TBL1XR1: variants seen among roughly 807,000 people sequenced by gnomAD.
TBL1XR1 encodes TBL1X/Y related 1, also known as F-box-like/WD repeat-containing protein TBL1XR1.
Under a neutral mutation model 66.9 loss-of-function variants are expected in TBL1XR1, and 5 were observed. The observed-to-expected ratio is 0.07, with a 90% CI of 0.04 to 0.16. The LOEUF is 0.16. TBL1XR1 is among the 10% of genes least tolerant of loss of function. The pLI is 1.00. For missense variants in TBL1XR1, 238 were observed against 623.2 expected (o/e 0.38, Z 6.58); for synonymous variants, 210 against 206.0 (o/e 1.02, Z -0.17).
chr3:177,065,255 A>T (rs1266973525), intron 2 of TBL1XR1, among the ~76,000 whole-genome samples: 1 of 152,198 alleles, frequency 6.6e-6, no homozygotes, highest in East Asian at 1.9e-4. Flanking sequence ...ATAAAACAAA[A>T]TTTTTTAGAG....
At chr3:177,195,426 C>G (rs1285974140) in intron 1 of TBL1XR1, among the ~76,000 whole-genome samples, 1 of 60,966 alleles carries the variant, frequency 1.6e-5, no homozygotes, top group African/African-American at 3.8e-5. Flanking sequence ...GCCCTACTTC[C>G]CCAGACTATA....
chr3:177,094,133 A>G (rs910536115), intron 2 of TBL1XR1, among the ~76,000 whole-genome samples: 2 of 152,208 alleles, frequency 1.3e-5, no homozygotes, highest in Non-Finnish European at 2.9e-5. Context: ...AGCAGCAAGA[A>G]AAAAACAAAT....
chr3:177,103,616 G>T (rs1724503577), intron 1 of TBL1XR1, among the ~76,000 whole-genome samples: 1 of 152,080 alleles, frequency 6.6e-6, no homozygotes, highest in Non-Finnish European at 1.5e-5. Flanking sequence ...GCAGTCTCTA[G>T]AAGTAAATTT....
At chr3:177,146,699 A>C (rs1473239829) in intron 1 of TBL1XR1, among the ~76,000 whole-genome samples, 1 of 151,858 alleles carries the variant, frequency 6.6e-6, no homozygotes, top group Non-Finnish European at 1.5e-5. Flanking sequence ...ATTTTCCAAA[A>C]CCCAAACTAT....
chr3:177,143,508 GA>G (rs1197674898), intron 1 of TBL1XR1, among the ~76,000 whole-genome samples: 1 of 152,138 alleles, frequency 6.6e-6, no homozygotes, highest in Non-Finnish European at 1.5e-5. Context: ...GGGGCAGGGG[GA>G]TATTTATTCC....
chr3:177,064,234 A>T (rs1718869454), intron 3 of TBL1XR1, among the ~76,000 whole-genome samples: 1 of 152,196 alleles, frequency 6.6e-6, no homozygotes, highest in African/African-American at 2.4e-5. Context: ...ATTTTTTAGT[A>T]GCAATCGGCA....
chr3:177,055,611 C>G (rs1287728539), intron 3 of TBL1XR1, among the ~76,000 whole-genome samples: 1 of 151,750 alleles, frequency 6.6e-6, no homozygotes, highest in Non-Finnish European at 1.5e-5. Context: ...TATCAGGAAG[C>G]CCACAACTAT....
chr3:177,094,673 T>C (rs936863498), intron 2 of TBL1XR1, among the ~76,000 whole-genome samples: 1 of 152,196 alleles, frequency 6.6e-6, no homozygotes, highest in Non-Finnish European at 1.5e-5. Flanking sequence ...CATAGCACCC[T>C]GGATGGAATG....
chr3:177,165,197 A>G (rs1475150924), intron 1 of TBL1XR1, among the ~76,000 whole-genome samples: 1 of 152,232 alleles, frequency 6.6e-6, no homozygotes, highest in Non-Finnish European at 1.5e-5. Context: ...AAGCAATTAC[A>G]GTAAGCTTGC....
chr3:177,156,545 A>T (rs1256522658), intron 1 of TBL1XR1, among the ~76,000 whole-genome samples: 1 of 145,882 alleles, frequency 6.9e-6, no homozygotes, highest in South Asian at 2.2e-4. Flanking sequence ...ACACACACAC[A>T]CACTTATATA....
intron 14 of TBL1XR1, among the ~76,000 whole-genome samples, chr3:177,030,373 T>C (rs755484475): frequency 1.3e-5 from 2 of 151,988 alleles, no homozygotes; most frequent in African/African-American, 2.4e-5. Context: ...GGTACAAGTA[T>C]TAATGTGATA....
Position 177,151,084 on chromosome 3 carries a change from A to G in TBL1XR1, c.-122+46037T>C, listed in dbSNP as rs1307784129. Among the ~76,000 whole-genome samples, 3 of 152,182 alleles carry G rather than the reference A, an allele frequency of 2.0e-5. 1 individual carries two copies. The highest frequency in any genetic ancestry group is 7.2e-5 in the African/African-American group (3 of 41,444). ...TCAGACACTTTAAACATGCTGTTCA[A>G]CTCCTTTATTTTATAGATAGCACCG... On this transcript the variant is annotated intron_variant, in intron 1 of 15. Transcript: ENST00000457928.
intron 1 of TBL1XR1, among the ~76,000 whole-genome samples, chr3:177,107,697 G>C (rs1232661576): frequency 6.6e-6 from 1 of 152,036 alleles, no homozygotes; most frequent in African/African-American, 2.4e-5. Flanking sequence ...TACACCATCC[G>C]GGGATCATGA....
chr3:177,182,694 G>A (rs1734972020), intron 1 of TBL1XR1, among the ~76,000 whole-genome samples: 1 of 152,166 alleles, frequency 6.6e-6, no homozygotes. Context: ...TCAAGGAGAG[G>A]CCTGTGCTAG....
rs1271166854 is a variant in TBL1XR1 at position 177,113,473 on chromosome 3, CAAAT to C, written c.-121-14936_-121-14933del. ...AAATATTTGCAAATTATGTATCTGA[CAAAT>C]AATATCTAAAAGAACTTAAGACAAC... On this transcript the variant is annotated intron_variant, in intron 1 of 15. Transcript: ENST00000457928. Among the ~76,000 whole-genome samples the C allele has an allele frequency of 2.0e-5, 3 of 151,986 alleles. No homozygotes were observed. The South Asian group carries it at 6.2e-4, about 31-fold the overall frequency.
intron 14 of TBL1XR1, among the ~76,000 whole-genome samples, chr3:177,031,434 A>G (rs1339053896): frequency 6.6e-6 from 1 of 151,422 alleles, no homozygotes; most frequent in Admixed American, 6.6e-5. Flanking sequence ...TCTGGGTTCA[A>G]GCAATTCTCC....
chr3:177,171,302 TG>T (rs1733463907), intron 1 of TBL1XR1: 1 of 151,930 alleles, frequency 6.6e-6, no homozygotes, highest in African/African-American at 2.4e-5. Flanking sequence ...ATCGCACCAT[TG>T]CACTACAGCC....
intron 2 of TBL1XR1, among the ~76,000 whole-genome samples, chr3:177,071,638 C>T (rs1403321982): frequency 6.6e-6 from 1 of 152,124 alleles, no homozygotes; most frequent in Non-Finnish European, 1.5e-5. Context: ...ATCCATCCCC[C>T]ACAGGGCAAT....
At chr3:177,143,242 A>T (rs922149686) in intron 1 of TBL1XR1, among the ~76,000 whole-genome samples, 1 of 152,080 alleles carries the variant, frequency 6.6e-6, no homozygotes, top group African/African-American at 2.4e-5. Context: ...GCTGACAAAA[A>T]TGTTATGACC....
Sources: allele counts gnomAD v4.1 joint callset (sites outside exome capture counted in the v4.1 genomes callset), GRCh38; gene constraint gnomAD v4.1.1; transcripts MANE v1.5; gene names NCBI Gene and HGNC (gene_info 2026-07-23, HGNC 2026-07-21).